UHRF2: variants seen among roughly 807,000 people sequenced by gnomAD.
UHRF2 encodes the protein E3 ubiquitin-protein ligase UHRF2.
Under a neutral mutation model 96.8 loss-of-function variants are expected in UHRF2, and 23 were observed. That is an observed-to-expected ratio of 0.24 (90% CI 0.17 to 0.34). The LOEUF (loss-of-function observed/expected upper bound fraction) is 0.34, where lower values mean the gene tolerates loss of function less well. Ranked by LOEUF, UHRF2 falls within the 10% of genes least tolerant of loss-of-function variation. The pLI is 1.00. For synonymous variants in UHRF2, 385 were observed against 332.6 expected (o/e 1.16, Z -1.72); for missense variants, 685 against 981.5 (o/e 0.70, Z 4.04).
intron 2 of UHRF2, among the ~76,000 whole-genome samples, chr9:6,425,811 T>G (rs1378437118): frequency 6.6e-6 from 1 of 152,184 alleles, no homozygotes; most frequent in African/African-American, 2.4e-5. Context: ...CTAGGTATGC[T>G]TCTTACTGTT....
intron 3 of UHRF2, among the ~76,000 whole-genome samples, chr9:6,447,435 C>G (rs1291045451): frequency 6.6e-6 from 1 of 151,954 alleles, no homozygotes; most frequent in East Asian, 1.9e-4. Flanking sequence ...AATATGCATA[C>G]CTAGCTTTGA....
At chr9:6,498,310 A>T (rs1400106139) in intron 12 of UHRF2, 152 bp downstream of exon 12, 1 of 853,620 alleles carries the variant, frequency 1.2e-6, no homozygotes, top group Non-Finnish European at 1.7e-6. Context: ...AGAGGAAAAG[A>T]AGAGAAAAGG....
At position 6,491,357 on chromosome 9, in the gene UHRF2, A is replaced by G. The variant is rs117615928; in HGVS notation, c.1498-2469A>G. Among the ~76,000 whole-genome samples the G allele has an allele frequency of 5.3e-5, 8 of 152,360 alleles. No homozygotes were observed. The East Asian group carries it at 1.5e-3, about 29-fold the overall frequency. On this transcript the variant is annotated intron_variant, in intron 9 of 15. Transcript: ENST00000276893. ...CTTAAAGGCTTGCTGTGAGGTTTAA[A>G]TGAATTAATTATACGTAAAATGCTT... is the stretch of plus-strand genomic sequence containing the variant.
chr9:6,446,915 G>C (rs943069023), intron 3 of UHRF2, among the ~76,000 whole-genome samples: 1 of 151,954 alleles, frequency 6.6e-6, no homozygotes, highest in African/African-American at 2.4e-5. Context: ...TTGAGACAGA[G>C]TCTTGCTCTG....
chr9:6,443,023 C>T (rs1192353263), intron 3 of UHRF2, among the ~76,000 whole-genome samples: 1 of 152,120 alleles, frequency 6.6e-6, no homozygotes, highest in Non-Finnish European at 1.5e-5. Context: ...CGGGTTATAA[C>T]TTTTAGCTGA....
At position 6,481,628 on chromosome 9, in the gene UHRF2, T is replaced by C. The variant is rs761834007; in HGVS notation, c.1161-15T>C. On this transcript the variant is annotated splice_polypyrimidine_tract_variant and intron_variant, in intron 6 of 15. Coordinates refer to ENST00000276893, the MANE Select transcript of UHRF2 (RefSeq NM_152896.3). Reference sequence around the variant, plus strand: ...GTATTGTGAAAATGCCTTCGTTCTTTTTTTTCTTTTAAAGGTATTGTCCTT... The same window carrying C: ...GTATTGTGAAAATGCCTTCGTTCTTCTTTTTCTTTTAAAGGTATTGTCCTT... The C allele has an allele frequency of 6.2e-7, 1 of 1,604,804 alleles. No individual in the cohort carries two copies. The highest frequency in any genetic ancestry group is 8.5e-7 in the Non-Finnish European group (1 of 1,177,536).
In UHRF2 at chr9:6,498,050, C is replaced by T; in HGVS notation, c.1800C>T (p.Ser600=). The change falls in exon 12 of 16, where the codon AGC becomes AGT. Residue 600 remains serine, a synonymous_variant. Transcript: ENST00000276893. The part of the protein sequence containing the change: ...VVKYWPEISS[S]HGFLVWRYLL... ...AATACTGGCCAGAGATTTCATCAAG[C>T]CATGGATTCTTGGTTTGGCGCTATC... 6.2e-7 allele frequency: 1 copy of T among 1,613,218 alleles called. No individual in the cohort carries two copies. The highest frequency in any genetic ancestry group is 1.3e-5 in the African/African-American group (1 of 75,012).
intron 3 of UHRF2, among the ~76,000 whole-genome samples, chr9:6,442,436 T>A (rs1821224886): frequency 6.7e-6 from 1 of 150,042 alleles, no homozygotes; most frequent in Non-Finnish European, 1.5e-5. Flanking sequence ...AAAAGTTCTC[T>A]AAACATTGGC....
chr9:6,464,443 A>G (rs771707266), intron 4 of UHRF2, among the ~76,000 whole-genome samples: 2 of 152,174 alleles, frequency 1.3e-5, no homozygotes, highest in African/African-American at 4.8e-5. Flanking sequence ...AGTTGAGGTT[A>G]TCAAAGTTCA....
At chr9:6,482,264 C>T (rs191254724) in intron 8 of UHRF2, among the ~76,000 whole-genome samples, 165 bp downstream of exon 8, 2 of 152,176 alleles carry the variant, frequency 1.3e-5, no homozygotes, top group African/African-American at 4.8e-5. Flanking sequence ...AACAAAGGAA[C>T]ATACATCACA....
At chr9:6,421,172 T>G (rs767455863) in intron 2 of UHRF2, 30 bp downstream of exon 2, 1 of 1,468,510 alleles carries the variant, frequency 6.8e-7, no homozygotes. Context: ...CTTACTGTTG[T>G]GAGAATACAA....
Position 6,486,933 on chromosome 9 carries a change from A to G in UHRF2, c.1497+8A>G, listed in dbSNP as rs759531788. 5 of 1,613,482 alleles carry G rather than the reference A, an allele frequency of 3.1e-6. No individual in the cohort carries two copies. The highest frequency in any genetic ancestry group is 4.2e-6 in the Non-Finnish European group (5 of 1,179,554). ...GGATTTGCGGATGAAGTCGTAAGTC[A>G]TTATACAACCTTACTCATTAGTACC... On this transcript the variant is annotated splice_region_variant and intron_variant, in intron 9 of 15. Transcript: ENST00000276893.
Position 6,441,735 on chromosome 9 carries a change from GT to G in UHRF2, c.644+7572del, listed in dbSNP as rs367898591. Among the ~76,000 whole-genome samples, 87 of 147,170 alleles carry G rather than the reference GT, an allele frequency of 5.9e-4. No homozygotes were observed. The East Asian group carries it at 0.01, about 17-fold the overall frequency. On this transcript the variant is annotated intron_variant, in intron 3 of 15. Coordinates refer to ENST00000276893, the MANE Select transcript of UHRF2 (RefSeq NM_152896.3). ...AGTATGTCTAGGTGGTTTGTGGCCG[GT>G]TTTTTTTTTCCATTTTATTTCCTTA... is the stretch of plus-strand genomic sequence containing the variant.
chr9:6,468,064 G>T (rs1330988565), intron 4 of UHRF2, among the ~76,000 whole-genome samples: 1 of 151,906 alleles, frequency 6.6e-6, no homozygotes, highest in Non-Finnish European at 1.5e-5. Context: ...GCTTTATTTG[G>T]GAATTCTTAG....
intron 3 of UHRF2, among the ~76,000 whole-genome samples, chr9:6,453,225 A>G (rs1422997679): frequency 6.6e-6 from 1 of 152,188 alleles, no homozygotes; most frequent in Non-Finnish European, 1.5e-5. Flanking sequence ...ACATAACTGT[A>G]TATACAATTT....
intron 10 of UHRF2, chr9:6,494,549 G>A (rs1053156205): frequency 6.6e-6 from 1 of 152,004 alleles, no homozygotes; most frequent in African/African-American, 2.4e-5. Context: ...GCTCCCGTGG[G>A]TACAGAAAAT....
chr9:6,469,719 T>C (rs541065929), intron 4 of UHRF2, among the ~76,000 whole-genome samples: 5 of 150,702 alleles, frequency 3.3e-5, no homozygotes, highest in East Asian at 1.9e-4. Flanking sequence ...TACACACATA[T>C]ATGTGCATAT....
At chr9:6,486,686 T>C in intron 8 of UHRF2, 135 bp from the exon 9 acceptor site, 1 of 748,926 alleles carries the variant, frequency 1.3e-6, no homozygotes, top group Non-Finnish European at 2.1e-6. Flanking sequence ...AGATTTAAAA[T>C]GAGAGAGCAA....
intron 3 of UHRF2, 147 bp downstream of exon 3, chr9:6,434,320 A>C: frequency 1.0e-6 from 1 of 969,092 alleles, no homozygotes; most frequent in East Asian, 2.7e-5. Context: ...TGGTGGTTGT[A>C]CTCTAATTTA....
Sources: allele counts gnomAD v4.1 joint callset (sites outside exome capture counted in the v4.1 genomes callset), GRCh38; gene constraint gnomAD v4.1.1; transcripts MANE v1.5; gene names NCBI Gene and HGNC (gene_info 2026-07-23, HGNC 2026-07-21).